SPIRE1: variants seen among roughly 807,000 people sequenced by gnomAD.
The protein encoded by SPIRE1 is spire type actin nucleation factor 1.
A neutral mutation model predicts 94.1 loss-of-function variants in SPIRE1; 40 were observed. That is an observed-to-expected ratio of 0.43 (90% confidence interval 0.33 to 0.55). SPIRE1 has a LOEUF of 0.55. SPIRE1 is among the 20% of genes least tolerant of loss of function. The pLI, the probability that SPIRE1 is intolerant of heterozygous loss-of-function variation, is 0.06. For missense variants in SPIRE1, 838 were observed against 975.2 expected, an observed-to-expected ratio of 0.86 and a Z score of 1.87; for synonymous variants, 376 against 371.7, an observed-to-expected ratio of 1.01 and a Z score of -0.13.
intron 10 of SPIRE1, among the ~76,000 whole-genome samples, chr18:12,478,129 TTGGAATGGAG>T (rs1408527102): frequency 1.3e-5 from 2 of 152,004 alleles, no homozygotes; most frequent in African/African-American, 4.8e-5. Flanking sequence ...TTGGTATTGC[TTGGAATGGAG>T]TGGAGACCGA....
chr18:12,462,091 G>A lies in SPIRE1; in HGVS notation c.1638+1260C>T, dbSNP rs191975868. 6.4e-3 allele frequency among the ~76,000 whole-genome samples: 974 copies of A among 152,188 alleles called. 3 individuals are homozygous for A. Among genetic ancestry groups the A allele is most frequent in the Middle Eastern group, 0.014 (4 of 292 alleles). On this transcript the variant is annotated intron_variant, in intron 12 of 16. Coordinates refer to ENST00000409402, the MANE Select transcript of SPIRE1 (RefSeq NM_001128626.2). ...GTCACTGACAAGGCTATATTTAATC[G>A]AATAGCTGTGTTTTGGTGATTATTC... is the stretch of plus-strand genomic sequence containing the variant.
chr18:12,468,816 TG>T (rs1177177846), intron 10 of SPIRE1, among the ~76,000 whole-genome samples: 2 of 152,170 alleles, frequency 1.3e-5, no homozygotes, highest in Non-Finnish European at 2.9e-5. Flanking sequence ...CCCAGCACTT[TG>T]GTAGGCTGAG....
chr18:12,480,574 GC>G (rs1413844178), intron 9 of SPIRE1, among the ~76,000 whole-genome samples: 1 of 152,104 alleles, frequency 6.6e-6, no homozygotes, highest in Non-Finnish European at 1.5e-5. Context: ...AAAATTCTGT[GC>G]CTAGTACAGG....
intron 12 of SPIRE1, among the ~76,000 whole-genome samples, chr18:12,457,460 CCCTTCCCCA>C (rs769569033): frequency 0.15 from 22,780 of 152,210 alleles, 3,054 homozygotes; most frequent in African/African-American, 0.35. Flanking sequence ...AGAGCGGGAG[CCCTTCCCCA>C]CCACGGCACT....
intron 11 of SPIRE1, 90 bp from the exon 12 acceptor site, chr18:12,463,583 A>C: frequency 9.5e-7 from 1 of 1,057,912 alleles, no homozygotes. Flanking sequence ...TAATTCAAAG[A>C]TGAATTATTT....
At chr18:12,490,606 C>T (rs2033199126) in intron 8 of SPIRE1, among the ~76,000 whole-genome samples, 1 of 152,164 alleles carries the variant, frequency 6.6e-6, no homozygotes, top group Non-Finnish European at 1.5e-5. Flanking sequence ...AAGTGGGATT[C>T]ATCCCTGGGA....
At chr18:12,619,991 T>C (rs968886899) in intron 2 of SPIRE1, among the ~76,000 whole-genome samples, 14 of 151,740 alleles carry the variant, frequency 9.2e-5, no homozygotes, top group Non-Finnish European at 1.8e-4. Flanking sequence ...AATAAATGAA[T>C]TCAGCAAGGT....
chr18:12,474,828 C>A (rs1432429691), intron 10 of SPIRE1, among the ~76,000 whole-genome samples: 1 of 151,988 alleles, frequency 6.6e-6, no homozygotes, highest in Non-Finnish European at 1.5e-5. Context: ...CAAAAAACCC[C>A]CCCAAAAAAC....
chr18:12,526,943 C>T (rs1430432006), intron 4 of SPIRE1, among the ~76,000 whole-genome samples: 2 of 152,052 alleles, frequency 1.3e-5, no homozygotes, highest in Admixed American at 1.3e-4. Context: ...CTCTTGACAT[C>T]GTGATCCACC....
intron 2 of SPIRE1, among the ~76,000 whole-genome samples, chr18:12,583,944 C>CAA (rs199914926): frequency 6.6e-6 from 1 of 150,654 alleles, no homozygotes; most frequent in African/African-American, 2.4e-5. Context: ...CAAAAACAAA[C>CAA]AAAAAAAACA....
At chr18:12,589,246 G>C (rs2036465537) in intron 2 of SPIRE1, among the ~76,000 whole-genome samples, 1 of 152,164 alleles carries the variant, frequency 6.6e-6, no homozygotes, top group Non-Finnish European at 1.5e-5. Context: ...GTAAGTAACA[G>C]AGCCAGAACT....
At chr18:12,659,537 A>G (rs2144930234), upstream of SPIRE1, among the ~76,000 whole-genome samples, 1 of 152,136 alleles carries the variant, frequency 6.6e-6, no homozygotes, top group Non-Finnish European at 1.5e-5. Context: ...GAGTGTGGTG[A>G]CGCACGCTTG....
intron 1 of SPIRE1, among the ~76,000 whole-genome samples, chr18:12,639,837 C>T (rs1390252460): frequency 1.3e-5 from 2 of 151,628 alleles, no homozygotes; most frequent in East Asian, 3.9e-4. Flanking sequence ...CCACTGCACT[C>T]CAGCCTGGGC....
intron 2 of SPIRE1, among the ~76,000 whole-genome samples, chr18:12,550,297 G>A (rs1462610458): frequency 1.3e-5 from 2 of 152,218 alleles, no homozygotes; most frequent in Non-Finnish European, 2.9e-5. Context: ...CCTGGAAGAT[G>A]AAGATGAAAA....
chr18:12,659,655 G>A (rs2038654293), upstream of SPIRE1, among the ~76,000 whole-genome samples: 1 of 152,140 alleles, frequency 6.6e-6, no homozygotes, highest in Non-Finnish European at 1.5e-5. Flanking sequence ...GGGGGACAGA[G>A]CGAGAGTCTG....
chr18:12,472,715 A>G lies in SPIRE1; in HGVS notation c.1404+6984T>C, dbSNP rs116389212. 8.3e-3 allele frequency among the ~76,000 whole-genome samples: 1,248 copies of G among 151,186 alleles called. 23 individuals carry two copies. The highest frequency in any genetic ancestry group is 0.028 in the African/African-American group (1,149 of 41,134). Reference sequence around the variant, plus strand: ...TGCTCTGTCACCCAGGCTGGAGTGCAGTGGCAATGATTATAGCTCACCACA... The same window carrying G: ...TGCTCTGTCACCCAGGCTGGAGTGCGGTGGCAATGATTATAGCTCACCACA... On this transcript the variant is annotated intron_variant, in intron 10 of 16. Transcript: ENST00000409402.
intron 4 of SPIRE1, among the ~76,000 whole-genome samples, chr18:12,533,407 C>CA (rs11359679): frequency 6.6e-6 from 1 of 152,040 alleles, no homozygotes; most frequent in South Asian, 2.1e-4. Context: ...TAATCAAGAG[C>CA]AAAAAATTTT....
At chr18:12,599,586 A>G (rs2144630528) in intron 2 of SPIRE1, among the ~76,000 whole-genome samples, 1 of 152,328 alleles carries the variant, frequency 6.6e-6, no homozygotes, top group African/African-American at 2.4e-5. Context: ...AATCAAAAAC[A>G]GTTCTTCAGC....
intron 10 of SPIRE1, among the ~76,000 whole-genome samples, chr18:12,477,147 C>G (rs1401875616): frequency 6.6e-6 from 1 of 152,068 alleles, no homozygotes; most frequent in Admixed American, 6.6e-5. Context: ...TCTGATCATG[C>G]CTTGCTGTGT....
Sources: gnomAD v4.1 joint callset for allele counts (sites outside exome capture counted in the v4.1 genomes callset) on GRCh38, gnomAD v4.1.1 for gene constraint, MANE v1.5 for transcripts, NCBI Gene and HGNC (gene_info 2026-07-23, HGNC 2026-07-21) for gene names.